The following SYT9 variants were observed in gnomAD, a reference collection of about 807,000 sequenced individuals.
SYT9 encodes the protein synaptotagmin 9, also known as synaptotagmin-9.
Under a neutral mutation model 48.4 loss-of-function variants are expected in SYT9, and 22 were observed. The ratio of observed to expected loss-of-function variants is 0.45; its 90% CI spans 0.32 to 0.65. The LOEUF (loss-of-function observed/expected upper bound fraction) is 0.65, where lower values mean the gene tolerates loss of function less well. Among genes scored for constraint, SYT9 ranks in the 30% least tolerant of loss-of-function variants. The pLI, the probability that SYT9 is intolerant of heterozygous loss-of-function variation, is 0.03. For missense variants in SYT9, 577 were observed against 622.0 expected (o/e 0.93, Z 0.77); for synonymous variants, 265 against 245.0 (o/e 1.08, Z -0.76).
chr11:7,316,651 T>C, intron 3 of SYT9, among the ~76,000 whole-genome samples: 1 of 152,234 alleles, frequency 6.6e-6, no homozygotes, highest in East Asian at 1.9e-4. Flanking sequence ...CTCTAGAGTT[T>C]ATCCCTGATA....
chr11:7,355,181 C>T (rs150865165), intron 3 of SYT9, among the ~76,000 whole-genome samples: 45 of 152,334 alleles, frequency 3.0e-4, no homozygotes, highest in Non-Finnish European at 5.9e-4. Context: ...CTCTTTCCTG[C>T]TATCGGACTC....
At chr11:7,294,190 G>C (rs999860484) in intron 1 of SYT9, among the ~76,000 whole-genome samples, 2 of 152,048 alleles carry the variant, frequency 1.3e-5, no homozygotes, top group East Asian at 3.9e-4. Flanking sequence ...TCTCCCAAAG[G>C]CTCCACCTCC....
At chr11:7,312,229 C>T (rs2133950782) in intron 2 of SYT9, among the ~76,000 whole-genome samples, 2 of 152,256 alleles carry the variant, frequency 1.3e-5, no homozygotes, top group East Asian at 1.9e-4. Context: ...AGGGAGAATA[C>T]TTTCAAATGT....
chr11:7,352,771 A>C (rs1422139839), intron 3 of SYT9, among the ~76,000 whole-genome samples: 3 of 152,218 alleles, frequency 2.0e-5, no homozygotes, highest in Non-Finnish European at 4.4e-5. Flanking sequence ...AAATACACAG[A>C]GATTACTGTG....
intron 1 of SYT9, among the ~76,000 whole-genome samples, chr11:7,255,035 T>TAA (rs1847942298): frequency 3.9e-5 from 6 of 152,200 alleles, no homozygotes; most frequent in Non-Finnish European, 5.9e-5. Flanking sequence ...AAGTCACAGT[T>TAA]GGAACTGAAG....
intron 3 of SYT9, among the ~76,000 whole-genome samples, chr11:7,376,244 T>TA (rs968232271): frequency 2.6e-5 from 4 of 151,780 alleles, no homozygotes; most frequent in Non-Finnish European, 4.4e-5. Flanking sequence ...AGTGAAAACC[T>TA]ACCTGTTTCT....
chr11:7,406,634 A>G (rs941934075), intron 3 of SYT9, among the ~76,000 whole-genome samples: 4 of 150,884 alleles, frequency 2.7e-5, no homozygotes, highest in African/African-American at 9.7e-5. Context: ...TTTGCTGTTA[A>G]GAATGCCCCT....
At chr11:7,280,252 A>G (rs796405227) in intron 1 of SYT9, among the ~76,000 whole-genome samples, 5 of 152,322 alleles carry the variant, frequency 3.3e-5, no homozygotes, top group African/African-American at 1.2e-4. Context: ...ATTTTTGTCA[A>G]ACTCCTGTAT....
chr11:7,464,759 G>A (rs183580429), intron 6 of SYT9, among the ~76,000 whole-genome samples: 80 of 152,198 alleles, frequency 5.3e-4, no homozygotes, highest in African/African-American at 1.2e-3. Flanking sequence ...AGGGAACCAC[G>A]GGCCTGATGT....
intron 1 of SYT9, among the ~76,000 whole-genome samples, chr11:7,283,608 C>A (rs922351701): frequency 6.6e-6 from 1 of 151,926 alleles, no homozygotes; most frequent in Non-Finnish European, 1.5e-5. Context: ...AAGGTTTAAG[C>A]GGAGGCAGTT....
intron 3 of SYT9, among the ~76,000 whole-genome samples, chr11:7,390,334 C>G (rs1349947759): frequency 6.6e-6 from 1 of 152,092 alleles, no homozygotes; most frequent in Non-Finnish European, 1.5e-5. Context: ...TAGTATTCCA[C>G]TGTGTATAAA....
Position 7,432,580 on chromosome 11 carries a change from AAAATATATATACATATAT to A in SYT9, c.1467+11947_1467+11964del, listed in dbSNP as rs1847617724. 4.5e-3 allele frequency among the ~76,000 whole-genome samples: 28 copies of A among 6,176 alleles called. 1 individual carries two copies. Among genetic ancestry groups the A allele is most frequent in the East Asian group, 6.0e-3 (1 of 168 alleles). 4.1% of individuals were successfully genotyped at this position (6,176 alleles called of 152,430 possible). On this transcript the variant is annotated intron_variant, in intron 6 of 6. Transcript: ENST00000318881. ...AAAAAAAAAAAAAAAAAAAAAAAAA[AAAATATATATACATATAT>A]ATATATATATATATATATATATATA...
At chr11:7,406,535 C>CATATATATATATAT (rs57371051) in intron 3 of SYT9, among the ~76,000 whole-genome samples, 2 of 135,340 alleles carry the variant, frequency 1.5e-5, no homozygotes, top group African/African-American at 2.8e-5. Flanking sequence ...TTCAATTGCG[C>CATATATATATATAT]ATATATATAT....
At chr11:7,458,429 C>T (rs111380541) in intron 6 of SYT9, among the ~76,000 whole-genome samples, 47,427 of 151,898 alleles carry the variant, frequency 0.31, 8,923 homozygotes, top group African/African-American at 0.52. Context: ...TGCAGTGAGC[C>T]GAGATCATGC....
chr11:7,256,185 C>G (rs1847965884), intron 1 of SYT9, among the ~76,000 whole-genome samples: 1 of 152,064 alleles, frequency 6.6e-6, no homozygotes, highest in Admixed American at 6.5e-5. Context: ...TTATCATTTT[C>G]TTTTTAAGTC....
intron 6 of SYT9, among the ~76,000 whole-genome samples, chr11:7,454,868 G>T (rs1848119156): frequency 6.6e-6 from 1 of 152,194 alleles, no homozygotes; most frequent in Non-Finnish European, 1.5e-5. Flanking sequence ...TGGTGAGTTT[G>T]CCTGGAGGAG....
chr11:7,251,956 GA>G lies in SYT9; in HGVS notation c.-230del. 2.3e-6 allele frequency: 1 copy of G among 431,372 alleles called. No homozygotes were observed. The highest frequency in any genetic ancestry group is 4.1e-6 in the Non-Finnish European group (1 of 246,456). The allele number at this position is 431,372 out of a possible 1,614,324, so 26.7% of individuals were successfully genotyped here. A position where few individuals can be genotyped will look rare whatever the true frequency, so the allele number is the denominator to read the frequency against. On this transcript the variant is annotated 5_prime_UTR_variant, in exon 1 of 7. Coordinates refer to ENST00000318881, the MANE Select transcript of SYT9 (RefSeq NM_175733.4). Reference sequence around the variant, plus strand: ...CTCGGTGTCTGGGGAGGGACGGAGGGACCGGGCGGGAGAGAGAGAAAGCCTG... The same window carrying G: ...CTCGGTGTCTGGGGAGGGACGGAGGGCCGGGCGGGAGAGAGAGAAAGCCTG...
chr11:7,378,088 T>C (rs1850488525), intron 3 of SYT9, among the ~76,000 whole-genome samples: 1 of 146,048 alleles, frequency 6.8e-6, no homozygotes, highest in South Asian at 2.2e-4. Flanking sequence ...CCCTGAAGAT[T>C]GCACAGAGAG....
chr11:7,289,768 C>A (rs540257197), intron 1 of SYT9, among the ~76,000 whole-genome samples: 1 of 152,276 alleles, frequency 6.6e-6, no homozygotes, highest in Non-Finnish European at 1.5e-5. Flanking sequence ...ATTTTTAGAA[C>A]AATTACTACA....
Sources: allele counts gnomAD v4.1 joint callset (sites outside exome capture counted in the v4.1 genomes callset), GRCh38; gene constraint gnomAD v4.1.1; transcripts MANE v1.5; gene names NCBI Gene and HGNC (gene_info 2026-07-23, HGNC 2026-07-21).